Variants in MYRIP observed in about 807,000 individuals in gnomAD.
MYRIP encodes myosin VIIA and Rab interacting protein.
Under a neutral mutation model 98.0 loss-of-function variants are expected in MYRIP, and 49 were observed. The observed-to-expected ratio is 0.50, with a 90% CI of 0.40 to 0.63. MYRIP has a LOEUF of 0.63. MYRIP is among the 30% of genes least tolerant of loss of function. MYRIP has a pLI of 0.00. For missense variants in MYRIP, 1,004 were observed against 1,058.2 expected, an observed-to-expected ratio of 0.95 and a Z score of 0.71; for synonymous variants, 404 against 409.5, an observed-to-expected ratio of 0.99 and a Z score of 0.16.
intron 2 of MYRIP, among the ~76,000 whole-genome samples, chr3:39,993,371 G>A (rs1221402688): frequency 6.6e-6 from 1 of 152,104 alleles, no homozygotes; most frequent in Non-Finnish European, 1.5e-5. Context: ...ATAGCAATTT[G>A]CATTCATCTT....
intron 3 of MYRIP, among the ~76,000 whole-genome samples, chr3:40,078,240 C>T (rs967487067): frequency 6.6e-6 from 1 of 152,220 alleles, no homozygotes; most frequent in Non-Finnish European, 1.5e-5. Flanking sequence ...GCCAAGCCCA[C>T]GCCCACCCGG....
At chr3:39,813,192 A>G (rs139945181) in intron 1 of MYRIP, among the ~76,000 whole-genome samples, 10 of 152,334 alleles carry the variant, frequency 6.6e-5, no homozygotes, top group Non-Finnish European at 1.3e-4. Context: ...AACCTGGAAG[A>G]ATACATAGCC....
At chr3:39,935,327 G>T (rs73076759) in intron 2 of MYRIP, among the ~76,000 whole-genome samples, 2,873 of 152,216 alleles carry the variant, frequency 0.019, 50 homozygotes, top group Non-Finnish European at 0.022. Flanking sequence ...AGGCAGGCAG[G>T]GGTTCTGTAA....
chr3:39,809,466 C>A (rs1214723047), upstream of MYRIP: 2 of 147,298 alleles, frequency 1.4e-5, no homozygotes. Flanking sequence ...GCACCCCCTG[C>A]CCCGGCGCAG....
intron 4 of MYRIP, among the ~76,000 whole-genome samples, chr3:40,152,336 G>C (rs963318382): frequency 6.6e-6 from 1 of 152,140 alleles, no homozygotes; most frequent in Non-Finnish European, 1.5e-5. Context: ...ACATCCTCGG[G>C]TATGCTGAAT....
chr3:40,253,732 C>T (rs1252914500), intron 16 of MYRIP, among the ~76,000 whole-genome samples: 1 of 152,202 alleles, frequency 6.6e-6, no homozygotes, highest in Non-Finnish European at 1.5e-5. Context: ...TGGATCAGGA[C>T]ATCCTAACAG....
At chr3:40,134,680 CAAAACTTCCAGAGG>C (rs1949723708) in intron 3 of MYRIP, among the ~76,000 whole-genome samples, 1 of 152,174 alleles carries the variant, frequency 6.6e-6, no homozygotes, top group Non-Finnish European at 1.5e-5. Flanking sequence ...TCCTCTGAGA[CAAAACTTCCAGAGG>C]AATGATCAGG....
intron 11 of MYRIP, among the ~76,000 whole-genome samples, chr3:40,222,564 AC>A (rs1553630094): frequency 7.0e-6 from 1 of 142,684 alleles, no homozygotes; most frequent in African/African-American, 2.6e-5. Context: ...CTGTCCCCCT[AC>A]CCCCCACCCC....
At chr3:39,910,705 C>CT (rs1014450295) in intron 2 of MYRIP, among the ~76,000 whole-genome samples, 6 of 151,930 alleles carry the variant, frequency 3.9e-5, no homozygotes, top group Admixed American at 6.6e-5. Context: ...GTTAATTTCA[C>CT]TTTTTTTTAC....
chr3:39,975,407 C>G (rs1945721848), intron 2 of MYRIP, among the ~76,000 whole-genome samples: 1 of 151,820 alleles, frequency 6.6e-6, no homozygotes, highest in African/African-American at 2.4e-5. Context: ...AGGATACAAA[C>G]AAATGGAAGA....
In MYRIP at chr3:39,900,857, A is replaced by C; in HGVS notation, c.41A>C (p.Glu14Ala). Residue 14 changes from glutamate to alanine, a missense_variant, in exon 2 of 17, where the codon GAA becomes GCA. Transcript: ENST00000302541. ...KLDLSGLTDD[E>A]TEHVLQVVQR... ...GACCTGTCTGGTTTGACTGATGATG[A>C]AACAGAGCATGTTCTTCAGGTGGTT... The C allele has an allele frequency of 1.2e-6, 2 of 1,613,956 alleles. No homozygotes were observed. The highest frequency in any genetic ancestry group is 1.7e-6 in the Non-Finnish European group (2 of 1,180,004).
chr3:40,223,772 G>A (rs1485640679), intron 11 of MYRIP, among the ~76,000 whole-genome samples: 2 of 152,160 alleles, frequency 1.3e-5, no homozygotes, highest in Non-Finnish European at 2.9e-5. Context: ...ATGCAGTATG[G>A]ATAAGAGAAA....
intron 11 of MYRIP, among the ~76,000 whole-genome samples, chr3:40,222,833 G>GT (rs1261266321): frequency 7.2e-5 from 11 of 152,140 alleles, no homozygotes; most frequent in African/African-American, 2.4e-4. Context: ...TAAAAAATCC[G>GT]TTTTATTCAA....
intron 3 of MYRIP, among the ~76,000 whole-genome samples, chr3:40,046,099 C>T (rs938530163): frequency 6.6e-6 from 1 of 151,960 alleles, no homozygotes; most frequent in African/African-American, 2.4e-5. Flanking sequence ...AATACCAGTG[C>T]CCATATGATT....
chr3:39,840,648 G>A (rs1941773096), intron 1 of MYRIP, among the ~76,000 whole-genome samples: 1 of 152,188 alleles, frequency 6.6e-6, no homozygotes, highest in Non-Finnish European at 1.5e-5. Flanking sequence ...CTCTTGTAAG[G>A]CAGGCCTGAT....
intron 2 of MYRIP, among the ~76,000 whole-genome samples, chr3:39,959,853 T>C (rs1419265134): frequency 6.6e-6 from 1 of 152,152 alleles, no homozygotes. Flanking sequence ...ATCGTTTTTC[T>C]TCTGAATGGC....
At chr3:40,004,459 C>T (rs941697477) in intron 2 of MYRIP, among the ~76,000 whole-genome samples, 1 of 152,144 alleles carries the variant, frequency 6.6e-6, no homozygotes, top group Non-Finnish European at 1.5e-5. Context: ...CTAATTTCCA[C>T]TTTGTATTTT....
intron 10 of MYRIP, among the ~76,000 whole-genome samples, chr3:40,191,478 A>G (rs556244892): frequency 2.0e-5 from 3 of 152,216 alleles, no homozygotes; most frequent in South Asian, 4.2e-4. Flanking sequence ...AGTGTCCCCT[A>G]TGGCTGCAGA....
At chr3:39,983,654 T>A (rs910744818) in intron 2 of MYRIP, among the ~76,000 whole-genome samples, 7 of 152,114 alleles carry the variant, frequency 4.6e-5, no homozygotes, top group Admixed American at 4.6e-4. Context: ...AAATTGACAT[T>A]CCAGTGGAGG....
Sources: allele counts gnomAD v4.1 joint callset (sites outside exome capture counted in the v4.1 genomes callset), GRCh38; gene constraint gnomAD v4.1.1; transcripts MANE v1.5; gene names NCBI Gene and HGNC (gene_info 2026-07-23, HGNC 2026-07-21).